KIAA0586: variants seen among roughly 807,000 people sequenced by gnomAD.
KIAA0586 encodes protein TALPID3.
In KIAA0586, 144 loss-of-function variants were observed where a neutral mutation model predicts 169.8. The observed-to-expected ratio is 0.85, with a 90% confidence interval of 0.74 to 0.97. The LOEUF (loss-of-function observed/expected upper bound fraction) is 0.97. Ranked by LOEUF, KIAA0586 falls within the 50% of genes least tolerant of loss-of-function variation. The probability of loss-of-function intolerance (pLI) is 0.00; values close to 1 mark genes in which losing one functional copy is unlikely to be tolerated. For missense variants in KIAA0586, 1,854 were observed against 1,823.0 expected, an observed-to-expected ratio of 1.02 and a Z score of -0.31; for synonymous variants, 625 against 612.4, an observed-to-expected ratio of 1.02 and a Z score of -0.30.
chr14:58,492,234 C>T lies in KIAA0586; in HGVS notation c.3949C>T (p.Gln1317Ter). ...AATTCTTTCTTTTGCTAAACAAAAC[C>T]AGGAGTCAGCAGTTTCCCAGCAAGC... ...DAILSFAKQN[Q>*]ESAVSQQAVY... is the part of the protein sequence containing the mutation. Residue 1317 changes from glutamine to a stop codon, truncating the protein, a stop_gained, in exon 26 of 31, where the codon CAG (glutamine) becomes TAG (stop). Transcript: ENST00000652326. LOFTEE classifies it high-confidence loss of function. 4 of 1,550,868 alleles carry T rather than the reference C, an allele frequency of 2.6e-6. No homozygotes were observed. Among genetic ancestry groups the T allele is most frequent in the Non-Finnish European group, 3.5e-6 (4 of 1,146,684 alleles).
At chr14:58,461,259 C>T (rs1021022944) in intron 14 of KIAA0586, 99 bp downstream of exon 14, 5 of 802,756 alleles carry the variant, frequency 6.2e-6, no homozygotes, top group Non-Finnish European at 9.1e-6. Context: ...TTATACGTGC[C>T]ATTCAAGTTA....
At chr14:58,457,654 G>GAA in intron 10 of KIAA0586, 105 bp from the exon 11 acceptor site, 1 of 681,272 alleles carries the variant, frequency 1.5e-6, no homozygotes, top group Non-Finnish European at 2.5e-6. Flanking sequence ...TGAGTCCTTA[G>GAA]AATATATTGG....
At chr14:58,506,626 G>T (rs1459014833) in intron 27 of KIAA0586, among the ~76,000 whole-genome samples, 1 of 151,158 alleles carries the variant, frequency 6.6e-6, no homozygotes, top group Non-Finnish European at 1.5e-5. Flanking sequence ...GGTGGAGGTT[G>T]CAGTGAGCTG....
intron 21 of KIAA0586, among the ~76,000 whole-genome samples, chr14:58,485,259 G>A (rs1369220248): frequency 1.3e-5 from 2 of 151,662 alleles, no homozygotes; most frequent in Non-Finnish European, 2.9e-5. Context: ...AGGACAGACA[G>A]TTCATATACA....
At chr14:58,457,062 A>C (rs1260794437) in intron 10 of KIAA0586, among the ~76,000 whole-genome samples, 1 of 152,186 alleles carries the variant, frequency 6.6e-6, no homozygotes, top group Non-Finnish European at 1.5e-5. Context: ...AAAGGGAGGA[A>C]GGGGAAAAGA....
At chr14:58,512,141 C>G (rs2044433020) in intron 28 of KIAA0586, among the ~76,000 whole-genome samples, 2 of 151,976 alleles carry the variant, frequency 1.3e-5, no homozygotes, top group African/African-American at 4.8e-5. Flanking sequence ...TCATTTTATG[C>G]AAAAAGTGGT....
chr14:58,487,836 G>C, intron 22 of KIAA0586, 51 bp from the exon 23 acceptor site: 1 of 1,251,150 alleles, frequency 8.0e-7, no homozygotes, highest in Non-Finnish European at 1.1e-6. Flanking sequence ...ATCCTATGGA[G>C]TTCTTTACTG....
chr14:58,455,927 C>G (rs2039802404), intron 9 of KIAA0586, among the ~76,000 whole-genome samples: 1 of 152,178 alleles, frequency 6.6e-6, no homozygotes, highest in African/African-American at 2.4e-5. Context: ...CAAAACTCCA[C>G]TTTGGACATT....
At chr14:58,544,832 C>T (rs1417060119) in intron 30 of KIAA0586, among the ~76,000 whole-genome samples, 1 of 152,210 alleles carries the variant, frequency 6.6e-6, no homozygotes, top group Non-Finnish European at 1.5e-5. Context: ...CCTGGCCTTG[C>T]TTATCTCACC....
chr14:58,513,816 T>C (rs1387202298), intron 29 of KIAA0586, among the ~76,000 whole-genome samples: 1 of 152,090 alleles, frequency 6.6e-6, no homozygotes, highest in Non-Finnish European at 1.5e-5. Flanking sequence ...CAATCATTTT[T>C]GGCATTACAA....
At chr14:58,531,123 C>T (rs1218881225) in intron 29 of KIAA0586, among the ~76,000 whole-genome samples, 1 of 150,906 alleles carries the variant, frequency 6.6e-6, no homozygotes, top group Non-Finnish European at 1.5e-5. Flanking sequence ...GGAGAGCGTC[C>T]TGGCTAACAC....
intron 29 of KIAA0586, among the ~76,000 whole-genome samples, chr14:58,518,377 A>G (rs961844162): frequency 4.6e-5 from 7 of 152,236 alleles, no homozygotes; most frequent in Non-Finnish European, 8.8e-5. Context: ...TTAAAAATAC[A>G]TTCCATTTAG....
intron 29 of KIAA0586, among the ~76,000 whole-genome samples, chr14:58,525,212 C>A (rs2139931749): frequency 6.6e-6 from 1 of 152,114 alleles, no homozygotes; most frequent in East Asian, 1.9e-4. Context: ...AAAATTGTTT[C>A]TCTTCAGTGA....
Position 58,512,618 on chromosome 14 carries a change from C to T in KIAA0586, c.4420C>T (p.Gln1474Ter), listed in dbSNP as rs1425019451. The change falls in exon 29 of 31, where the codon CAG (glutamine) becomes TAG (stop). Residue 1474 changes from glutamine to a stop codon, truncating the protein, a stop_gained. Transcript: ENST00000652326. LOFTEE classifies it high-confidence loss of function. ...AAATAAATCTGATATTGCACCTTCA[C>T]AGCAACAAGGTAAGACTTGTTTTTA... ...VRNKSDIAPSQQQVSPGDMDR... is the reference protein window; with the variant it reads ...VRNKSDIAPS 2.7e-6 allele frequency: 4 copies of T among 1,492,396 alleles called. No individual in the cohort carries two copies. The highest frequency in any genetic ancestry group is 3.6e-6 in the Non-Finnish European group (4 of 1,116,462). The allele number at this position is 1,492,396 out of a possible 1,614,324, so 92.4% of individuals were successfully genotyped here.
Position 58,448,569 on chromosome 14 carries a change from A to G in KIAA0586, c.961+76A>G. On this transcript the variant is annotated intron_variant, in intron 7 of 30. Transcript: ENST00000652326. ...TTTGTGCTACATAAGCTGAAAACAT[A>G]TTTCCTGAGCAGTAGGAGTTTTTGT... 5.6e-6 allele frequency: 6 copies of G among 1,076,694 alleles called. No homozygotes were observed. In the South Asian group the frequency reaches 1.2e-4, roughly 22 times the overall value. 66.7% of individuals were successfully genotyped at this position (1,076,694 alleles called of 1,614,324 possible).
At position 58,432,024 on chromosome 14, in the gene KIAA0586, T is replaced by C. The variant is rs567180017; in HGVS notation, c.341-364T>C. 5.9e-5 allele frequency among the ~76,000 whole-genome samples: 9 copies of C among 152,280 alleles called. No homozygotes were observed. In the South Asian group the frequency reaches 1.9e-3, roughly 32 times the overall value. ...GGACCATGTCATCAGTGAACAGAGG[T>C]AATTGGACTTCCTTTTACTTTTTGG... is the stretch of plus-strand genomic sequence containing the variant. On this transcript the variant is annotated intron_variant, in intron 3 of 30. Coordinates refer to ENST00000652326, the MANE Select transcript of KIAA0586 (RefSeq NM_001329943.3).
chr14:58,433,343 A>C (rs2037540004), intron 4 of KIAA0586: 1 of 152,252 alleles, frequency 6.6e-6, no homozygotes, highest in South Asian at 2.1e-4. Flanking sequence ...CTGGGATTAC[A>C]GGTGTGAGCC....
intron 18 of KIAA0586, among the ~76,000 whole-genome samples, chr14:58,473,094 G>A (rs2041351553): frequency 6.6e-6 from 1 of 151,300 alleles, no homozygotes; most frequent in Non-Finnish European, 1.5e-5. Flanking sequence ...AGAGAATTTA[G>A]CATTCAAAGA....
At position 58,449,520 on chromosome 14, in the gene KIAA0586, C is replaced by T. The variant is rs951707005; in HGVS notation, c.961+1027C>T. ...CTCCAGCCTGGGTGACAGAGCAAGA[C>T]CCTGTTTCAAAAACAAAAAAACAAA... On this transcript the variant is annotated intron_variant, in intron 7 of 30. Transcript: ENST00000652326. 3.4e-4 allele frequency among the ~76,000 whole-genome samples: 51 copies of T among 152,136 alleles called. 1 individual carries two copies. The highest frequency in any genetic ancestry group is 1.2e-3 in the African/African-American group (49 of 41,414).
Sources: gnomAD v4.1 joint callset for allele counts (sites outside exome capture counted in the v4.1 genomes callset) on GRCh38, gnomAD v4.1.1 for gene constraint, MANE v1.5 for transcripts, NCBI Gene and HGNC (gene_info 2026-07-23, HGNC 2026-07-21) for gene names.